Variants in PRKD1 observed in about 807,000 individuals in gnomAD.
PRKD1 encodes serine/threonine-protein kinase D1.
PRKD1 carries 63 observed loss-of-function variants against 95.9 expected under a neutral mutation model. The ratio of observed to expected loss-of-function variants is 0.66; its 90% CI spans 0.54 to 0.81. The LOEUF (loss-of-function observed/expected upper bound fraction) is 0.81. PRKD1 is among the 30% of genes least tolerant of loss of function. The pLI is 0.00. For synonymous variants in PRKD1, 425 were observed against 423.1 expected (o/e 1.00, Z -0.05); for missense variants, 1,048 against 1,165.3 (o/e 0.90, Z 1.47).
At chr14:29,686,407 T>C (rs1446438486) in intron 2 of PRKD1, among the ~76,000 whole-genome samples, 3 of 152,192 alleles carry the variant, frequency 2.0e-5, no homozygotes, top group Non-Finnish European at 4.4e-5. Context: ...CTACTCTTGT[T>C]AGTCAACTGA....
At chr14:29,861,649 T>C (rs774873607) in intron 1 of PRKD1, among the ~76,000 whole-genome samples, 2 of 152,218 alleles carry the variant, frequency 1.3e-5, no homozygotes, top group South Asian at 2.1e-4. Context: ...GGTTTGGTTT[T>C]GTTTTCGTTT....
chr14:29,704,163 C>T (rs1279242887), intron 2 of PRKD1, among the ~76,000 whole-genome samples: 2 of 152,060 alleles, frequency 1.3e-5, no homozygotes, highest in African/African-American at 4.8e-5. Context: ...GACAGTCATG[C>T]TCCTTGCCAT....
chr14:29,636,313 G>C lies in PRKD1; in HGVS notation c.1167C>G (p.His389Gln), dbSNP rs756531990. The C allele has an allele frequency of 1.9e-6, 3 of 1,614,192 alleles. No homozygotes were observed. The highest frequency in any genetic ancestry group is 1.7e-5 in the Admixed American group (1 of 60,024). ...ACCTGATGGTTCTGTTGGCGTCCTC[G>C]TGGTCTGGGTCTGGATCTTGCATCT... Reference protein sequence around the residue: ...SGEMQDPDPDHEDANRTISPS... With the variant: ...SGEMQDPDPDQEDANRTISPS... Residue 389 changes from histidine (H) to glutamine (Q), a missense_variant, in exon 7 of 18, where the codon CAC (histidine) becomes CAG (glutamine). By Grantham distance (24) the His-to-Gln change is conservative (BLOSUM62 0). This residue lies in a region of PRKD1 where 739 missense variants were observed against 861.9 expected (regional missense o/e 0.86). Coordinates refer to ENST00000331968, the MANE Select transcript of PRKD1 (RefSeq NM_002742.3).
rs537521313 is a variant in PRKD1, at chr14:29,693,949, T to C, written c.404-27741A>G. 3.9e-5 allele frequency among the ~76,000 whole-genome samples: 6 copies of C among 152,320 alleles called. No individual in the cohort carries two copies. In the South Asian group the frequency reaches 1.2e-3, roughly 32 times the overall value. ...CTCCTACTGGTCTTACCTGTTCTTG[T>C]TGTAGCTACAGAAGCTAAATCTCAT... On this transcript the variant is annotated intron_variant, in intron 2 of 17. Transcript: ENST00000331968.
At chr14:29,883,317 C>A (rs1382454696) in intron 1 of PRKD1, among the ~76,000 whole-genome samples, 1 of 152,178 alleles carries the variant, frequency 6.6e-6, no homozygotes, top group Non-Finnish European at 1.5e-5. Context: ...AATATCCAAA[C>A]TATATCAGCT....
In PRKD1 at chr14:29,849,684, C is replaced by A. The variant is rs772859705; in HGVS notation, c.264+77565G>T. Among the ~76,000 whole-genome samples the A allele has an allele frequency of 5.5e-4, 83 of 152,042 alleles. 1 individual carries two copies. The highest frequency in any genetic ancestry group is 5.3e-4 in the Non-Finnish European group (36 of 67,976). On this transcript the variant is annotated intron_variant, in intron 1 of 17. Coordinates refer to ENST00000331968, the MANE Select transcript of PRKD1 (RefSeq NM_002742.3). ...GTACCAATCCCACCGAAACTATTCC[C>A]CAAAATAGAGGCAAAGAACTCTATC...
At chr14:29,846,718 A>G (rs1227282586) in intron 1 of PRKD1, among the ~76,000 whole-genome samples, 3 of 152,206 alleles carry the variant, frequency 2.0e-5, no homozygotes, top group Admixed American at 2.0e-4. Context: ...ACACAGACAA[A>G]GACAGAGGCA....
At chr14:29,615,474 T>G (rs1385994644) in intron 13 of PRKD1, among the ~76,000 whole-genome samples, 1 of 152,262 alleles carries the variant, frequency 6.6e-6, no homozygotes, top group Non-Finnish European at 1.5e-5. Flanking sequence ...CTGTTTATGT[T>G]GCTGAGGTGG....
chr14:29,808,620 G>A (rs186955395), intron 1 of PRKD1, among the ~76,000 whole-genome samples: 6 of 151,590 alleles, frequency 4.0e-5, no homozygotes, highest in Admixed American at 1.3e-4. Flanking sequence ...GGCTGATCTC[G>A]AACTCCTGAC....
chr14:29,829,099 T>C (rs375837362), intron 1 of PRKD1, among the ~76,000 whole-genome samples: 1 of 152,226 alleles, frequency 6.6e-6, no homozygotes, highest in East Asian at 1.9e-4. Flanking sequence ...CAAACCCAAA[T>C]CCATAATCAT....
intron 2 of PRKD1, among the ~76,000 whole-genome samples, chr14:29,679,972 C>T (rs1883447729): frequency 6.6e-6 from 1 of 151,958 alleles, no homozygotes; most frequent in Admixed American, 6.6e-5. Flanking sequence ...GAATAAGGCT[C>T]AGAAGAAGAG....
At chr14:29,816,167 G>A (rs1041431868) in intron 1 of PRKD1, among the ~76,000 whole-genome samples, 4 of 152,162 alleles carry the variant, frequency 2.6e-5, no homozygotes, top group East Asian at 1.9e-4. Flanking sequence ...GCAGTGAGCC[G>A]AGATCTTGCC....
rs1888531430 is a variant in PRKD1 at position 29,772,025 on chromosome 14, C to T, written c.265-46351G>A. 3.3e-5 allele frequency among the ~76,000 whole-genome samples: 5 copies of T among 152,272 alleles called. No homozygotes were observed. In the South Asian group the frequency reaches 1.0e-3, roughly 32 times the overall value. ...AGGCTCACAACTGGAGAGAAATTTG[C>T]CTCAGGGCGAATCATACAATGACTC... On this transcript the variant is annotated intron_variant, in intron 1 of 17. Coordinates refer to ENST00000331968, the MANE Select transcript of PRKD1 (RefSeq NM_002742.3).
chr14:29,647,655 C>A (rs1881212063), intron 4 of PRKD1, among the ~76,000 whole-genome samples: 1 of 152,136 alleles, frequency 6.6e-6, no homozygotes, highest in Non-Finnish European at 1.5e-5. Context: ...CTTGGAGACA[C>A]CAAGCAGCTG....
chr14:29,889,064 A>G (rs1893842999), intron 1 of PRKD1, among the ~76,000 whole-genome samples: 1 of 152,150 alleles, frequency 6.6e-6, no homozygotes, highest in Admixed American at 6.6e-5. Flanking sequence ...GGTGACTAAT[A>G]TTAACAGCAT....
chr14:29,770,930 C>CAAAAAAAAAAAAAAAAAAAAAGGGAAA, intron 1 of PRKD1, among the ~76,000 whole-genome samples: 1 of 47,164 alleles, frequency 2.1e-5, no homozygotes, highest in Non-Finnish European at 5.3e-5. Flanking sequence ...AGACACTGTC[C>CAAAAAAAAAAAAAAAAAAAAAGGGAAA]AAAAAAAAAA....
intron 2 of PRKD1, among the ~76,000 whole-genome samples, chr14:29,691,196 T>C (rs1884212781): frequency 6.6e-6 from 1 of 152,176 alleles, no homozygotes; most frequent in African/African-American, 2.4e-5. Context: ...CATCTGGTTG[T>C]CCCCAGTTTT....
intron 1 of PRKD1, among the ~76,000 whole-genome samples, chr14:29,878,424 G>A (rs902797622): frequency 6.8e-6 from 1 of 146,582 alleles, no homozygotes; most frequent in Non-Finnish European, 1.5e-5. Context: ...CTGAAAAGAA[G>A]TGAAAACACG....
intron 1 of PRKD1, among the ~76,000 whole-genome samples, chr14:29,808,420 TG>T (rs1173103501): frequency 1.8e-5 from 2 of 113,470 alleles, no homozygotes; most frequent in African/African-American, 6.7e-5. Flanking sequence ...TTTTTTGAGA[TG>T]GGAGTTTTGC....
Sources: gnomAD v4.1 joint callset for allele counts (sites outside exome capture counted in the v4.1 genomes callset) on GRCh38, gnomAD v4.1.1 for gene constraint, gnomAD v4.1.1 regional missense constraint, MANE v1.5 for transcripts, NCBI Gene and HGNC (gene_info 2026-07-23, HGNC 2026-07-21) for gene names.